The following NELL1 variants were observed in gnomAD, a reference collection of about 807,000 sequenced individuals.
NELL1 encodes the protein protein kinase C-binding protein NELL1.
Under a neutral mutation model 107.4 loss-of-function variants are expected in NELL1, and 76 were observed. The observed-to-expected ratio is 0.71, with a 90% CI of 0.59 to 0.86. The LOEUF (loss-of-function observed/expected upper bound fraction) is 0.86, where lower values mean the gene tolerates loss of function less well. Among genes scored for constraint, NELL1 ranks in the 40% least tolerant of loss-of-function variants. The pLI, the probability that NELL1 is intolerant of heterozygous loss-of-function variation, is 0.00. For synonymous variants in NELL1, 353 were observed against 341.2 expected (o/e 1.03, Z -0.38); for missense variants, 1,024 against 1,005.5 (o/e 1.02, Z -0.25).
At chr11:21,072,682 A>G (rs1023406816) in intron 12 of NELL1, among the ~76,000 whole-genome samples, 1 of 152,226 alleles carries the variant, frequency 6.6e-6, no homozygotes, top group African/African-American at 2.4e-5. Flanking sequence ...ACTACTGTTC[A>G]TGCCAGAGAA....
chr11:20,946,132 G>A (rs928088503), intron 10 of NELL1, among the ~76,000 whole-genome samples: 1 of 152,158 alleles, frequency 6.6e-6, no homozygotes, highest in Non-Finnish European at 1.5e-5. Flanking sequence ...GATATAGTGG[G>A]AGTTCTTGCC....
chr11:21,121,470 G>T (rs1855366509), intron 13 of NELL1, among the ~76,000 whole-genome samples: 1 of 152,126 alleles, frequency 6.6e-6, no homozygotes, highest in African/African-American at 2.4e-5. Context: ...TTGCCTGAAA[G>T]CGCCCTAAAG....
intron 3 of NELL1, among the ~76,000 whole-genome samples, chr11:20,796,660 G>A (rs1285929570): frequency 3.9e-5 from 6 of 152,300 alleles, no homozygotes; most frequent in South Asian, 2.1e-4. Flanking sequence ...CGAGTAGACC[G>A]TAAGCTGTCT....
At chr11:20,983,264 C>T (rs1443735075) in intron 12 of NELL1, among the ~76,000 whole-genome samples, 3 of 152,208 alleles carry the variant, frequency 2.0e-5, no homozygotes, top group Non-Finnish European at 2.9e-5. Flanking sequence ...TCTTGGCTCG[C>T]TTTCCTTTCC....
chr11:21,101,554 C>T (rs11025918), intron 12 of NELL1, among the ~76,000 whole-genome samples: 26,028 of 151,910 alleles, frequency 0.17, 2,822 homozygotes, highest in South Asian at 0.37. Flanking sequence ...GATGGTATCT[C>T]ATTGTGGTTT....
intron 13 of NELL1, among the ~76,000 whole-genome samples, chr11:21,209,359 A>G (rs1049438011): frequency 6.7e-6 from 1 of 149,024 alleles, no homozygotes; most frequent in African/African-American, 2.4e-5. Flanking sequence ...AAAATACATA[A>G]TTACTTCTTA....
chr11:21,513,304 A>G (rs1369093452), intron 15 of NELL1, among the ~76,000 whole-genome samples: 2 of 151,836 alleles, frequency 1.3e-5, no homozygotes, highest in African/African-American at 2.4e-5. Context: ...TTCTTCTCTT[A>G]TAAGTGTGTT....
At chr11:21,044,364 A>C (rs767458976) in intron 12 of NELL1, among the ~76,000 whole-genome samples, 1 of 152,194 alleles carries the variant, frequency 6.6e-6, no homozygotes, top group Non-Finnish European at 1.5e-5. Flanking sequence ...TGAGGGCAGA[A>C]AGCTGCCAGA....
chr11:21,016,314 A>G (rs565877464), intron 12 of NELL1, among the ~76,000 whole-genome samples: 1 of 152,218 alleles, frequency 6.6e-6, no homozygotes, highest in African/African-American at 2.4e-5. Context: ...AAGTGAACAT[A>G]CTACTTACTT....
At chr11:20,738,164 C>T (rs1321515661) in intron 2 of NELL1, among the ~76,000 whole-genome samples, 2 of 152,084 alleles carry the variant, frequency 1.3e-5, no homozygotes, top group Admixed American at 1.3e-4. Flanking sequence ...TGTGCGTGTG[C>T]ACAGCTGTGC....
Position 20,734,090 on chromosome 11 carries a change from C to A in NELL1, c.185-49590C>A, listed in dbSNP as rs1290040245. On this transcript the variant is annotated intron_variant, in intron 2 of 19. Coordinates refer to ENST00000357134, the MANE Select transcript of NELL1 (RefSeq NM_006157.5). Reference sequence around the variant, plus strand: ...AGGTGATGGAAGAAGCCATTTCCTACTCCAGGAGAAGGACATCCTGGGTAG... The same window carrying A: ...AGGTGATGGAAGAAGCCATTTCCTAATCCAGGAGAAGGACATCCTGGGTAG... Among the ~76,000 whole-genome samples, 3 of 152,130 alleles carry A rather than the reference C, an allele frequency of 2.0e-5. No homozygotes were observed. The East Asian group carries it at 5.8e-4, about 29-fold the overall frequency.
chr11:21,293,213 A>G (rs1849308373), intron 14 of NELL1, among the ~76,000 whole-genome samples: 1 of 152,176 alleles, frequency 6.6e-6, no homozygotes, highest in Non-Finnish European at 1.5e-5. Context: ...TCTACAAGGA[A>G]CTTAAACAAA....
intron 14 of NELL1, among the ~76,000 whole-genome samples, chr11:21,265,722 G>A (rs1419161228): frequency 1.3e-5 from 2 of 151,952 alleles, no homozygotes; most frequent in Non-Finnish European, 2.9e-5. Flanking sequence ...GTATAAAATA[G>A]TCTTGGGTTC....
intron 2 of NELL1, among the ~76,000 whole-genome samples, chr11:20,704,631 A>G (rs933428812): frequency 6.6e-6 from 1 of 152,160 alleles, no homozygotes; most frequent in African/African-American, 2.4e-5. Context: ...ATGTTTTTGC[A>G]GTGGCTGGTA....
chr11:20,709,437 C>T (rs1401257368), intron 2 of NELL1, among the ~76,000 whole-genome samples: 1 of 152,172 alleles, frequency 6.6e-6, no homozygotes, highest in Non-Finnish European at 1.5e-5. Flanking sequence ...GTTTTGTTAA[C>T]TATAGCCTTG....
chr11:21,484,082 T>C (rs907086506), intron 15 of NELL1, among the ~76,000 whole-genome samples: 8 of 145,186 alleles, frequency 5.5e-5, no homozygotes, highest in African/African-American at 2.0e-4. Flanking sequence ...TAGCCAGCGT[T>C]AATAGTGGTT....
intron 14 of NELL1, among the ~76,000 whole-genome samples, chr11:21,274,863 C>A (rs2133939402): frequency 6.6e-6 from 1 of 152,218 alleles, no homozygotes; most frequent in Middle Eastern, 3.4e-3. Flanking sequence ...AGAACAAAGA[C>A]ACAACATACC....
At chr11:21,163,760 G>A (rs1856422789) in intron 13 of NELL1, among the ~76,000 whole-genome samples, 1 of 152,102 alleles carries the variant, frequency 6.6e-6, no homozygotes, top group African/African-American at 2.4e-5. Context: ...AAGTTCTGGT[G>A]TCTCTTTCTC....
intron 2 of NELL1, among the ~76,000 whole-genome samples, chr11:20,682,133 C>A (rs1157247662): frequency 2.0e-5 from 3 of 151,944 alleles, no homozygotes; most frequent in Non-Finnish European, 4.4e-5. Flanking sequence ...CATAGAATGG[C>A]TAAGCATTGT....
Sources: allele counts gnomAD v4.1 joint callset (sites outside exome capture counted in the v4.1 genomes callset), GRCh38; gene constraint gnomAD v4.1.1; transcripts MANE v1.5; gene names NCBI Gene and HGNC (gene_info 2026-07-23, HGNC 2026-07-21).